The following CLBA1 variants were observed in gnomAD, a reference collection of about 807,000 sequenced individuals.
The protein encoded by CLBA1 is uncharacterized protein CLBA1.
A neutral mutation model predicts 28.8 loss-of-function variants in CLBA1; 30 were observed. The ratio of observed to expected loss-of-function variants is 1.04; its 90% CI spans 0.78 to 1.41. CLBA1 has a LOEUF of 1.41. CLBA1 is among the 40% of genes most tolerant of loss of function. CLBA1 has a pLI of 0.00. For synonymous variants in CLBA1, 160 were observed against 152.8 expected, an observed-to-expected ratio of 1.05 and a Z score of -0.35; for missense variants, 451 against 412.3, an observed-to-expected ratio of 1.09 and a Z score of -0.81.
downstream of CLBA1, among the ~76,000 whole-genome samples, chr14:104,997,877 C>T (rs546757022): frequency 4.6e-5 from 7 of 151,946 alleles, no homozygotes; most frequent in South Asian, 2.1e-4. Context: ...GGCGTGGTGG[C>T]GCATGCCTGT....
chr14:104,996,923 C>T (rs1900166581), downstream of CLBA1, among the ~76,000 whole-genome samples: 1 of 152,230 alleles, frequency 6.6e-6, no homozygotes, highest in Admixed American at 6.5e-5. Flanking sequence ...AAGGCACGTG[C>T]CCCTCTGTGG....
downstream of CLBA1, chr14:104,995,547 G>T (rs1411321083): frequency 1.0e-6 from 1 of 973,406 alleles, no homozygotes. Flanking sequence ...CAGCTGGGGG[G>T]ACTGATACCT....
chr14:104,994,382 C>T, intron 4 of CLBA1: 2 of 985,474 alleles, frequency 2.0e-6, no homozygotes, highest in Non-Finnish European at 2.4e-6. Flanking sequence ...GGGCTGGCTG[C>T]AGGCCAGAGC....
In CLBA1 at chr14:104,991,550, A is replaced by G. The variant is rs1900021469; in HGVS notation, c.629A>G (p.Gln210Arg). 1.2e-6 allele frequency: 2 copies of G among 1,613,890 alleles called. No homozygotes were observed. Among genetic ancestry groups the G allele is most frequent in the East Asian group, 2.2e-5 (1 of 44,886 alleles). ...AGCATACACACCACGTCTACTTCTCAGCGCCTCTGGAGCGAGTCCCGTTGC... is the reference window on the plus strand; with the variant it reads ...AGCATACACACCACGTCTACTTCTCGGCGCCTCTGGAGCGAGTCCCGTTGC... ...LQSIHTTSTS[Q>R]RLWSESRCQE... is the part of the protein sequence containing the mutation. Residue 210 changes from glutamine to arginine, a missense_variant, in exon 3 of 5, where the codon CAG (glutamine) becomes CGG (arginine). Transcript: ENST00000547315.
At chr14:104,997,710 CATTGAAATATTCTT>C (rs1900179882), downstream of CLBA1, among the ~76,000 whole-genome samples, 1 of 152,218 alleles carries the variant, frequency 6.6e-6, no homozygotes, top group Non-Finnish European at 1.5e-5. Context: ...AGTTCACATA[CATTGAAATATTCTT>C]TAGGCTGGTC....
Position 104,986,153 on chromosome 14 carries a change from G to C in CLBA1, c.-279G>C. The C allele has an allele frequency of 2.0e-6, 1 of 510,314 alleles. No individual in the cohort carries two copies. Among genetic ancestry groups the C allele is most frequent in the Non-Finnish European group, 3.6e-6 (1 of 280,008 alleles). 31.6% of individuals were successfully genotyped at this position (510,314 alleles called of 1,614,324 possible). A position where few individuals can be genotyped will look rare whatever the true frequency, so the allele number is the denominator to read the frequency against. ...GCCGCCCCTCTCACACCTGCCGTGG[G>C]TCTGGTACGCGCCTCTGTGTCGGAC... On this transcript the variant is annotated 5_prime_UTR_variant, in exon 1 of 5. Coordinates refer to ENST00000547315, the MANE Select transcript of CLBA1 (RefSeq NM_174891.4).
intron 3 of CLBA1, among the ~76,000 whole-genome samples, chr14:104,992,506 ACAT>A (rs1470617390): frequency 6.6e-6 from 1 of 152,256 alleles, no homozygotes; most frequent in African/African-American, 2.4e-5. Flanking sequence ...CCCATGGGCC[ACAT>A]TGGGCTGGCC....
chr14:104,996,409 G>T (rs1878026135), downstream of CLBA1, among the ~76,000 whole-genome samples: 1 of 152,226 alleles, frequency 6.6e-6, no homozygotes, highest in South Asian at 2.1e-4. Flanking sequence ...AAGCTCCCTG[G>T]CCTCCCTCAG....
Position 104,986,287 on chromosome 14 carries a change from C to T in CLBA1, c.-145C>T. On this transcript the variant is annotated 5_prime_UTR_variant, in exon 1 of 5. Transcript: ENST00000547315. ...CGTGGGCACTTTCCACCGTCAGCCA[C>T]TGGGCAGCCCGGGGCACTCCTGCAG... The T allele has an allele frequency of 1.2e-6, 1 of 814,312 alleles. No homozygotes were observed. The highest frequency in any genetic ancestry group is 1.9e-6 in the Non-Finnish European group (1 of 532,030). The allele number at this position is 814,312 out of a possible 1,614,324, so 50.4% of individuals were successfully genotyped here. A position where few individuals can be genotyped will look rare whatever the true frequency, so the allele number is the denominator to read the frequency against.
At chr14:104,987,891 C>T (rs1335281226) in intron 1 of CLBA1, among the ~76,000 whole-genome samples, 1 of 151,722 alleles carries the variant, frequency 6.6e-6, no homozygotes, top group African/African-American at 2.4e-5. Flanking sequence ...CCCGCCTCGG[C>T]CTCTCAAAGT....
At chr14:104,992,731 A>T (rs1321100176) in intron 3 of CLBA1, among the ~76,000 whole-genome samples, 1 of 152,102 alleles carries the variant, frequency 6.6e-6, no homozygotes, top group Non-Finnish European at 1.5e-5. Flanking sequence ...TGAGCAGTTG[A>T]GGGGCGCTGA....
In CLBA1 at chr14:104,986,828, G is replaced by C. The variant is rs1347455628; in HGVS notation, c.397G>C (p.Gly133Arg). The C allele has an allele frequency of 6.2e-7, 1 of 1,613,440 alleles. No individual in the cohort carries two copies. The highest frequency in any genetic ancestry group is 8.5e-7 in the Non-Finnish European group (1 of 1,180,006). ...ATGCCAGGGTGGACCTTGGGTGACA[G>C]GAACTTCTGCCGTCCCACCTTCTGA... ...QPCQGGPWVTGTSAVPPSEPI... is the reference protein window; with the variant it reads ...QPCQGGPWVTRTSAVPPSEPI... Residue 133 changes from glycine to arginine, a missense_variant, in exon 1 of 5, where the codon GGA (glycine) becomes CGA (arginine). Coordinates refer to ENST00000547315, the MANE Select transcript of CLBA1 (RefSeq NM_174891.4).
rs1398165536 is a variant in CLBA1 at position 104,986,830 on chromosome 14, A to C, written c.399A>C (p.Gly133=). 2 of 1,612,556 alleles carry C rather than the reference A, an allele frequency of 1.2e-6. No homozygotes were observed. Among genetic ancestry groups the C allele is most frequent in the African/African-American group, 2.7e-5 (2 of 74,604 alleles). Residue 133 remains glycine, a synonymous_variant, in exon 1 of 5, where the codon GGA becomes GGC. Coordinates refer to ENST00000547315, the MANE Select transcript of CLBA1 (RefSeq NM_174891.4). ...QPCQGGPWVT[G]TSAVPPSEPI... ...GCCAGGGTGGACCTTGGGTGACAGG[A>C]ACTTCTGCCGTCCCACCTTCTGAGG...
Position 104,986,392 on chromosome 14 carries a change from C to G in CLBA1, c.-40C>G. Reference sequence around the variant, plus strand: ...CACCCCGGCGTGCATGTCTCCTGAGCAGCTGCCCATCGGGCCTCTGCTGGC... The same window carrying G: ...CACCCCGGCGTGCATGTCTCCTGAGGAGCTGCCCATCGGGCCTCTGCTGGC... On this transcript the variant is annotated 5_prime_UTR_variant, in exon 1 of 5. Transcript: ENST00000547315. 8 of 1,594,442 alleles carry G rather than the reference C, an allele frequency of 5.0e-6. No individual in the cohort carries two copies. Among genetic ancestry groups the G allele is most frequent in the Non-Finnish European group, 6.8e-6 (8 of 1,172,488 alleles).
In CLBA1 at chr14:104,994,731, T is replaced by C; in HGVS notation, c.950T>C (p.Leu317Pro). 6.2e-7 allele frequency: 1 copy of C among 1,610,954 alleles called. No homozygotes were observed. Among genetic ancestry groups the C allele is most frequent in the East Asian group, 2.2e-5 (1 of 44,796 alleles). ...KRMFTPRKLK[L>P]TLFNSDVC ...ATGTTCACTCCACGCAAGCTCAAAC[T>C]GACACTCTTTAATAGCGACGTTTGC... The change falls in exon 5 of 5, where the codon CTG becomes CCG. Residue 317 changes from leucine to proline, a missense_variant. Leu to Pro is a moderately conservative substitution (Grantham distance 98, BLOSUM62 -3). Transcript: ENST00000547315.
intron 3 of CLBA1, among the ~76,000 whole-genome samples, chr14:104,992,216 CAT>C (rs1329542371): frequency 2.0e-5 from 3 of 151,174 alleles, no homozygotes; most frequent in East Asian, 1.9e-4. Flanking sequence ...CCACCACTCA[CAT>C]GCCGCCACGC....
In CLBA1 at chr14:104,986,208, G is replaced by C; in HGVS notation, c.-224G>C. The stretch of plus-strand genomic sequence containing the variant: ...CGCCCGCCTGCGTGGGAGGAAGCCA[G>C]GACTCCCGGGCGACCGGGCCATTCC... On this transcript the variant is annotated 5_prime_UTR_variant, in exon 1 of 5. Transcript: ENST00000547315. The C allele has an allele frequency of 1.7e-6, 1 of 587,900 alleles. No individual in the cohort carries two copies. Among genetic ancestry groups the C allele is most frequent in the East Asian group, 2.8e-5 (1 of 35,212 alleles). 36.4% of individuals were successfully genotyped at this position (587,900 alleles called of 1,614,324 possible).
At chr14:104,989,358 G>T (rs1365501560) in intron 2 of CLBA1, 5 of 452,662 alleles carry the variant, frequency 1.1e-5, no homozygotes, top group Non-Finnish European at 2.1e-5. Context: ...GGGTCTCAGT[G>T]CCAGTGCTGG....
chr14:104,992,971 C>T lies in CLBA1; in HGVS notation c.723C>T (p.His241=), dbSNP rs1900077430. ...AGAACCTTTCTGGAGGCCAGGGCCACATCATGGAAGATTGTGACCTCAAAG... is the reference window on the plus strand; with the variant it reads ...AGAACCTTTCTGGAGGCCAGGGCCATATCATGGAAGATTGTGACCTCAAAG... The part of the protein sequence containing the change: ...AQKNLSGGQG[H]IMEDCDLKEP... Residue 241 remains histidine (H), a synonymous_variant, in exon 4 of 5, where the codon CAC becomes CAT. Transcript: ENST00000547315. 1.2e-6 allele frequency: 2 copies of T among 1,614,106 alleles called. No homozygotes were observed. Among genetic ancestry groups the T allele is most frequent in the East Asian group, 2.2e-5 (1 of 44,884 alleles).
Sources: gnomAD v4.1 joint callset for allele counts (sites outside exome capture counted in the v4.1 genomes callset) on GRCh38, gnomAD v4.1.1 for gene constraint, MANE v1.5 for transcripts, NCBI Gene and HGNC (gene_info 2026-07-23, HGNC 2026-07-21) for gene names.